The following ZNF2 variants were observed in gnomAD, a reference collection of about 807,000 sequenced individuals.
ZNF2 encodes the protein zinc finger protein 2.2.
A neutral mutation model predicts 21.9 loss-of-function variants in ZNF2; 12 were observed. That is an observed-to-expected ratio of 0.55 (90% CI 0.35 to 0.89). The LOEUF is 0.89. ZNF2 is among the 40% of genes least tolerant of loss of function. The pLI is 0.01. For synonymous variants in ZNF2, 186 were observed against 196.3 expected (o/e 0.95, Z 0.44); for missense variants, 462 against 544.2 (o/e 0.85, Z 1.50).
chr2:95,180,134 G>C (rs1254580969), intron 3 of ZNF2, 25 bp from the exon 4 acceptor site: 1 of 1,519,328 alleles, frequency 6.6e-7, no homozygotes, highest in African/African-American at 1.4e-5. Flanking sequence ...ACAGCCACCT[G>C]CTTTGTTTCT....
intron 4 of ZNF2, among the ~76,000 whole-genome samples, chr2:95,180,776 C>G (rs1448126709): frequency 6.6e-6 from 1 of 152,166 alleles, no homozygotes; most frequent in Non-Finnish European, 1.5e-5. Flanking sequence ...TCCCAAAGTG[C>G]TAGGATTACA....
At chr2:95,178,643 G>A (rs1483397069) in intron 3 of ZNF2, among the ~76,000 whole-genome samples, 1 of 152,134 alleles carries the variant, frequency 6.6e-6, no homozygotes, top group Non-Finnish European at 1.5e-5. Flanking sequence ...GGGAAGTTTA[G>A]AGCCCAAGCC....
intron 3 of ZNF2, among the ~76,000 whole-genome samples, chr2:95,178,905 A>C (rs1291228627): frequency 6.6e-6 from 1 of 152,176 alleles, no homozygotes; most frequent in Non-Finnish European, 1.5e-5. Flanking sequence ...GTACTGATAT[A>C]AATAAAATGG....
At chr2:95,178,197 C>G (rs1213592390) in intron 3 of ZNF2, among the ~76,000 whole-genome samples, 1 of 152,140 alleles carries the variant, frequency 6.6e-6, no homozygotes, top group East Asian at 1.9e-4. Flanking sequence ...ACTGCTGATT[C>G]TGGTGTTAGT....
chr2:95,179,184 G>A (rs1674551779), intron 3 of ZNF2, among the ~76,000 whole-genome samples: 1 of 152,134 alleles, frequency 6.6e-6, no homozygotes, highest in South Asian at 2.1e-4. Context: ...TAGAGACAGG[G>A]TTTCACCATG....
chr2:95,182,260 T>C lies in ZNF2; in HGVS notation c.*154T>C, dbSNP rs528224308. 194 of 964,810 alleles carry C rather than the reference T, an allele frequency of 2.0e-4. 1 individual carries two copies. The highest frequency in any genetic ancestry group is 6.7e-4 in the Middle Eastern group (2 of 2,964). The allele number at this position is 964,810 out of a possible 1,614,324, so 59.8% of individuals were successfully genotyped here. On this transcript the variant is annotated 3_prime_UTR_variant, in exon 5 of 5. Transcript: ENST00000614034. ...GAGTGTTTAATAAGCACTCCCTTCC[T>C]GCTGTGTTATAGAACTGTAGGGGAG... is the stretch of plus-strand genomic sequence containing the variant.
Position 95,181,568 on chromosome 2 carries a change from A to C in ZNF2, c.740A>C (p.His247Pro). 1 of 1,614,220 alleles carries C rather than the reference A, an allele frequency of 6.2e-7. No homozygotes were observed. Among genetic ancestry groups the C allele is most frequent in the Non-Finnish European group, 8.5e-7 (1 of 1,180,026 alleles). Reference protein sequence around the residue: ...AFFDRSSLTVHQRIHTGEKPF... With the variant: ...AFFDRSSLTVPQRIHTGEKPF... ...TTTGACCGTTCGTCCCTAACTGTCCATCAGCGAATTCACACTGGAGAGAAA... is the reference window on the plus strand; with the variant it reads ...TTTGACCGTTCGTCCCTAACTGTCCCTCAGCGAATTCACACTGGAGAGAAA... Residue 247 changes from histidine to proline, a missense_variant, in exon 5 of 5, where the codon CAT (histidine) becomes CCT (proline). Transcript: ENST00000614034.
rs760619234 is a variant in ZNF2, at chr2:95,181,835, C to G, written c.1007C>G (p.Ala336Gly). 1.4e-5 allele frequency: 22 copies of G among 1,614,084 alleles called. No homozygotes were observed. Among genetic ancestry groups the G allele is most frequent in the Non-Finnish European group, 1.8e-5 (21 of 1,180,038 alleles). ...SSLNRHQKAH[A>G]GDPRYQCNEC... ...CTGAATAGACATCAGAAAGCTCATGCTGGGGACCCTCGCTATCAGTGTAAC... is the reference window on the plus strand; with the variant it reads ...CTGAATAGACATCAGAAAGCTCATGGTGGGGACCCTCGCTATCAGTGTAAC... The change falls in exon 5 of 5, where the codon GCT becomes GGT. Residue 336 changes from alanine to glycine, a missense_variant. Ala to Gly is a moderately conservative substitution (Grantham distance 60). Transcript: ENST00000614034.
At chr2:95,181,064 C>A in intron 4 of ZNF2, 39 bp from the exon 5 acceptor site, 1 of 1,591,732 alleles carries the variant, frequency 6.3e-7, no homozygotes, top group Non-Finnish European at 8.6e-7. Context: ...TATTTCCTAG[C>A]CCAGGAAAAA....
rs369215421 is a variant in ZNF2, at chr2:95,180,203, G to C, written c.205G>C (p.Gly69Arg). Residue 69 changes from glycine (G) to arginine (R), a missense_variant, in exon 4 of 5, where the codon GGG (glycine) becomes CGG (arginine). Gly to Arg is a moderately radical substitution (Grantham distance 125). Transcript: ENST00000614034. ...QPDVIFQLKR[G>R]DKPWMVDLHG... ...TGATGTGATTTTCCAATTGAAGAGA[G>C]GGGACAAGCCGTGGATGGTAGATCT... is the stretch of plus-strand genomic sequence containing the variant. 3.1e-6 allele frequency: 5 copies of C among 1,614,166 alleles called. No homozygotes were observed. In the South Asian group the frequency reaches 4.4e-5, roughly 14 times the overall value.
In ZNF2 at chr2:95,182,445, A is replaced by G. The variant is rs1194117194; in HGVS notation, c.*339A>G. 4 of 220,498 alleles carry G rather than the reference A, an allele frequency of 1.8e-5. No homozygotes were observed. The highest frequency in any genetic ancestry group is 1.2e-4 in the South Asian group (1 of 8,554). The allele number at this position is 220,498 out of a possible 1,614,324, so 13.7% of individuals were successfully genotyped here. A position where few individuals can be genotyped will look rare whatever the true frequency, so the allele number is the denominator to read the frequency against. On this transcript the variant is annotated 3_prime_UTR_variant, in exon 5 of 5. Transcript: ENST00000614034. The stretch of plus-strand genomic sequence containing the variant: ...TGCAACAGGAGGGAAAGGCAGAATG[A>G]TATCACAGCAGTACTATTTTTTTTT...
At chr2:95,167,831 G>T (rs1416657218) in intron 1 of ZNF2, among the ~76,000 whole-genome samples, 1 of 146,204 alleles carries the variant, frequency 6.8e-6, no homozygotes, top group Non-Finnish European at 1.5e-5. Flanking sequence ...TGGGCGACAA[G>T]AGTGAAATTC....
rs1253130788 is a variant in ZNF2 at position 95,184,290 on chromosome 2, G to A, written c.*2184G>A. On this transcript the variant is annotated 3_prime_UTR_variant, in exon 5 of 5. Coordinates refer to ENST00000614034, the MANE Select transcript of ZNF2 (RefSeq NM_021088.4). ...ATGTGATATTGCTAAATAATGTCAA[G>A]TAGGAAATAAAAGAGACTATTGACA... 1.3e-5 allele frequency: 2 copies of A among 152,216 alleles called. No homozygotes were observed. The highest frequency in any genetic ancestry group is 2.9e-5 in the Non-Finnish European group (2 of 68,026). 9.4% of individuals were successfully genotyped at this position (152,216 alleles called of 1,614,324 possible).
intron 1 of ZNF2, among the ~76,000 whole-genome samples, chr2:95,169,522 A>T (rs1177259465): frequency 1.3e-5 from 2 of 152,236 alleles, no homozygotes; most frequent in Non-Finnish European, 2.9e-5. Context: ...TGGGATGCCA[A>T]GGTGGGGAGA....
chr2:95,176,301 C>T (rs1573398944), intron 2 of ZNF2, 42 bp downstream of exon 2: 2 of 1,613,316 alleles, frequency 1.2e-6, no homozygotes, highest in African/African-American at 2.7e-5. Flanking sequence ...CCATTCATCT[C>T]CAGAATGTAA....
In ZNF2 at chr2:95,176,266, T is replaced by G. The variant is rs1573398882; in HGVS notation, c.33+7T>G. On this transcript the variant is annotated splice_region_variant and intron_variant, in intron 2 of 4. Coordinates refer to ENST00000614034, the MANE Select transcript of ZNF2 (RefSeq NM_021088.4). ...TCCGACCACCAGATGCCAGGTGAGG[T>G]GGACTTTTGTGTTCCCGAAATACTC... 1.9e-6 allele frequency: 3 copies of G among 1,614,106 alleles called. No individual in the cohort carries two copies. Among genetic ancestry groups the G allele is most frequent in the Non-Finnish European group, 2.5e-6 (3 of 1,180,026 alleles).
At position 95,181,969 on chromosome 2, in the gene ZNF2, C is replaced by T. The variant is rs768204060; in HGVS notation, c.1141C>T (p.Arg381Trp). 12 of 1,614,172 alleles carry T rather than the reference C, an allele frequency of 7.4e-6. No homozygotes were observed. The highest frequency in any genetic ancestry group is 6.7e-5 in the African/African-American group (5 of 74,962). ...CGAATGCGGGAAAGCCTTTAGCCAG[C>T]GGTGCCGGCTCACGCGGCATCAGCG... Reference protein sequence around the residue: ...CSECGKAFSQRCRLTRHQRVH... With the variant: ...CSECGKAFSQWCRLTRHQRVH... The change falls in exon 5 of 5, where the codon CGG (arginine) becomes TGG (tryptophan). Residue 381 changes from arginine (R) to tryptophan (W), a missense_variant. Arg to Trp is a moderately radical substitution (Grantham distance 101, BLOSUM62 -3). Coordinates refer to ENST00000614034, the MANE Select transcript of ZNF2 (RefSeq NM_021088.4).
intron 2 of ZNF2, 69 bp downstream of exon 2, chr2:95,176,328 A>G: frequency 2.5e-6 from 4 of 1,601,252 alleles, no homozygotes; most frequent in South Asian, 2.2e-5. Context: ...TTCTTTCTCT[A>G]TCCTGGAGCC....
At chr2:95,179,354 A>C (rs1674557721) in intron 3 of ZNF2, among the ~76,000 whole-genome samples, 1 of 152,230 alleles carries the variant, frequency 6.6e-6, no homozygotes, top group African/African-American at 2.4e-5. Context: ...ATAGAAAGAA[A>C]GAAAATACAC....
Sources: gnomAD v4.1 joint callset for allele counts (sites outside exome capture counted in the v4.1 genomes callset) on GRCh38, gnomAD v4.1.1 for gene constraint, MANE v1.5 for transcripts, NCBI Gene and HGNC (gene_info 2026-07-23, HGNC 2026-07-21) for gene names.